AREL1: variants seen among roughly 807,000 people sequenced by gnomAD.
AREL1 encodes the protein apoptosis resistant E3 ubiquitin protein ligase 1, also known as apoptosis-resistant E3 ubiquitin protein ligase 1.
In AREL1, 62 loss-of-function variants were observed where a neutral mutation model predicts 99.0. The ratio of observed to expected loss-of-function variants is 0.63; its 90% CI spans 0.51 to 0.77. The LOEUF is 0.77. AREL1 is among the 30% of genes least tolerant of loss of function. The pLI, the probability that AREL1 is intolerant of heterozygous loss-of-function variation, is 0.00. For missense variants in AREL1, 879 were observed against 1,027.6 expected, an observed-to-expected ratio of 0.86 and a Z score of 1.98; for synonymous variants, 380 against 376.5, an observed-to-expected ratio of 1.01 and a Z score of -0.11.
intron 5 of AREL1, among the ~76,000 whole-genome samples, chr14:74,679,570 T>C (rs1262722386): frequency 6.6e-6 from 1 of 152,158 alleles, no homozygotes; most frequent in African/African-American, 2.4e-5. Flanking sequence ...TTCATGCCTG[T>C]AATCCTAGCA....
chr14:74,669,566 C>T, intron 15 of AREL1, 83 bp downstream of exon 15: 1 of 1,496,778 alleles, frequency 6.7e-7, no homozygotes, highest in Non-Finnish European at 9.0e-7. Context: ...ACATTTCCAC[C>T]ACTGCAGAAA....
intron 1 of AREL1, among the ~76,000 whole-genome samples, chr14:74,712,601 T>G (rs1375929731): frequency 2.6e-5 from 4 of 152,186 alleles, no homozygotes; most frequent in Non-Finnish European, 5.9e-5. Context: ...TGCAAGCTTA[T>G]GCCCCAATTC....
intron 2 of AREL1, 78 bp from the exon 3 acceptor site, chr14:74,685,738 T>A: frequency 7.5e-7 from 1 of 1,324,652 alleles, no homozygotes; most frequent in Non-Finnish European, 1.1e-6. Context: ...AAGAAGAGTG[T>A]ATGGCGTGAG....
Position 74,685,641 on chromosome 14 carries a change from G to C in AREL1, c.-26C>G. On this transcript the variant is annotated 5_prime_UTR_variant, in exon 3 of 20. Transcript: ENST00000356357. ...CAGGTCCCGTCAATGCCAACAGACA[G>C]CCGAGGATCACAGCTGCAGCTGTTA... is the stretch of plus-strand genomic sequence containing the variant. 6.2e-7 allele frequency: 1 copy of C among 1,614,124 alleles called. No individual in the cohort carries two copies. Among genetic ancestry groups the C allele is most frequent in the Non-Finnish European group, 8.5e-7 (1 of 1,179,978 alleles).
Position 74,673,044 on chromosome 14 carries a change from T to C in AREL1, c.1300+33A>G, listed in dbSNP as rs765729129. 3.7e-6 allele frequency: 6 copies of C among 1,614,002 alleles called. No individual in the cohort carries two copies. The African/African-American group carries it at 8.0e-5, about 22-fold the overall frequency. On this transcript the variant is annotated intron_variant, in intron 10 of 19. Transcript: ENST00000356357. Reference sequence around the variant, plus strand: ...CCCTCATGGATGTGGCTGGGCTCACTACCTTCCCTATAGAATCCCTGTGTA... The same window carrying C: ...CCCTCATGGATGTGGCTGGGCTCACCACCTTCCCTATAGAATCCCTGTGTA...
intron 1 of AREL1, among the ~76,000 whole-genome samples, chr14:74,698,406 T>C (rs575617162): frequency 6.6e-5 from 10 of 152,190 alleles, no homozygotes; most frequent in Non-Finnish European, 1.3e-4. Flanking sequence ...CTGGGAGGCA[T>C]GAAATGGGGT....
At chr14:74,688,026 T>G (rs2089786223) in intron 2 of AREL1, among the ~76,000 whole-genome samples, 1 of 143,064 alleles carries the variant, frequency 7.0e-6, no homozygotes, top group African/African-American at 2.6e-5. Context: ...TTACTTTTTT[T>G]TTTTTTTTTT....
intron 1 of AREL1, among the ~76,000 whole-genome samples, chr14:74,699,769 C>T (rs1237432678): frequency 2.0e-5 from 3 of 152,196 alleles, no homozygotes; most frequent in African/African-American, 4.8e-5. Context: ...CTATCAACAT[C>T]AAGTGAGGAC....
intron 1 of AREL1, among the ~76,000 whole-genome samples, chr14:74,709,814 T>C (rs181796612): frequency 2.0e-5 from 3 of 152,344 alleles, no homozygotes; most frequent in South Asian, 4.1e-4. Flanking sequence ...CTTTCTAACA[T>C]TGAAATACAA....
chr14:74,709,114 C>T (rs1412140467), intron 1 of AREL1, among the ~76,000 whole-genome samples: 1 of 152,186 alleles, frequency 6.6e-6, no homozygotes, highest in East Asian at 1.9e-4. Flanking sequence ...GAAATTTAAA[C>T]CCAAGTTAGT....
intron 1 of AREL1, among the ~76,000 whole-genome samples, chr14:74,708,998 A>G (rs1566707886): frequency 6.6e-6 from 1 of 152,250 alleles, no homozygotes; most frequent in African/African-American, 2.4e-5. Flanking sequence ...AAACTGCAAT[A>G]AGGTTAAACA....
At chr14:74,672,439 A>G (rs1359783336) in intron 11 of AREL1, among the ~76,000 whole-genome samples, 1 of 152,220 alleles carries the variant, frequency 6.6e-6, no homozygotes, top group African/African-American at 2.4e-5. Context: ...TTTAAGTTTC[A>G]TGAAAAAGAT....
At chr14:74,665,257 ATTTC>A (rs1313993786) in intron 17 of AREL1, among the ~76,000 whole-genome samples, 1 of 147,746 alleles carries the variant, frequency 6.8e-6, no homozygotes, top group Non-Finnish European at 1.5e-5. Context: ...TTGCTCAGGT[ATTTC>A]TTTCTTTTCT....
chr14:74,680,042 G>A (rs765059625), intron 5 of AREL1, among the ~76,000 whole-genome samples: 2 of 150,048 alleles, frequency 1.3e-5, no homozygotes, highest in African/African-American at 2.5e-5. Flanking sequence ...CAGGCGTGGT[G>A]GTGCCTGCCT....
chr14:74,692,048 C>T lies in AREL1; in HGVS notation c.-53G>A, dbSNP rs1226463715. The T allele has an allele frequency of 7.7e-6, 3 of 387,638 alleles. No homozygotes were observed. The highest frequency in any genetic ancestry group is 3.8e-5 in the South Asian group (2 of 52,032). 24.0% of individuals were successfully genotyped at this position (387,638 alleles called of 1,614,324 possible). Reference sequence around the variant, plus strand: ...CTCAGTCTGTTACCTTACCTTTAAACGAGGGCCCATGTTCTGAGAACCAAG... The same window carrying T: ...CTCAGTCTGTTACCTTACCTTTAAATGAGGGCCCATGTTCTGAGAACCAAG... On this transcript the variant is annotated 5_prime_UTR_variant, in exon 2 of 20. Transcript: ENST00000356357.
chr14:74,664,186 A>G (rs543045698), intron 18 of AREL1, 112 bp from the exon 19 acceptor site: 5 of 1,205,798 alleles, frequency 4.1e-6, no homozygotes, highest in East Asian at 2.6e-5. Flanking sequence ...TTACCGTTCT[A>G]TGAGGACACA....
intron 5 of AREL1, among the ~76,000 whole-genome samples, chr14:74,681,720 A>G (rs2089632517): frequency 1.3e-5 from 2 of 151,754 alleles, no homozygotes; most frequent in African/African-American, 4.8e-5. Context: ...CAGTGAGCCA[A>G]GATGGCACCA....
At chr14:74,667,203 C>T in intron 17 of AREL1, 116 bp downstream of exon 17, 1 of 1,204,370 alleles carries the variant, frequency 8.3e-7, no homozygotes, top group Non-Finnish European at 1.2e-6. Flanking sequence ...AGTGAAACCA[C>T]CTCTTGCATA....
chr14:74,680,174 TA>T (rs532762163), intron 5 of AREL1, among the ~76,000 whole-genome samples: 62 of 106,712 alleles, frequency 5.8e-4, no homozygotes, highest in Non-Finnish European at 7.4e-4. Context: ...CAAGGATGTC[TA>T]AAAAAAAAAG....
Sources: gnomAD v4.1 joint callset for allele counts (sites outside exome capture counted in the v4.1 genomes callset) on GRCh38, gnomAD v4.1.1 for gene constraint, MANE v1.5 for transcripts, NCBI Gene and HGNC (gene_info 2026-07-23, HGNC 2026-07-21) for gene names.